The following CGGBP1 variants were observed in gnomAD, a reference collection of about 807,000 sequenced individuals.
CGGBP1 encodes the protein CGG triplet repeat-binding protein 1.
CGGBP1 carries 4 observed loss-of-function variants against 11.4 expected under a neutral mutation model. The ratio of observed to expected loss-of-function variants is 0.35; its 90% CI spans 0.17 to 0.80. CGGBP1 has a LOEUF of 0.80. Ranked by LOEUF, CGGBP1 falls within the 30% of genes least tolerant of loss-of-function variation. The pLI is 0.52. For synonymous variants in CGGBP1, 76 were observed against 74.1 expected, an observed-to-expected ratio of 1.03 and a Z score of -0.13; for missense variants, 135 against 202.1, an observed-to-expected ratio of 0.67 and a Z score of 2.01.
At chr3:88,060,469 A>G (rs1317154615), upstream of CGGBP1, among the ~76,000 whole-genome samples, 2 of 152,128 alleles carry the variant, frequency 1.3e-5, no homozygotes, top group Non-Finnish European at 2.9e-5. Context: ...TTTTTTTGCA[A>G]GCTATTTTGG....
intron 2 of CGGBP1, among the ~76,000 whole-genome samples, chr3:88,085,389 T>C (rs1291359134): frequency 2.0e-5 from 3 of 152,232 alleles, no homozygotes; most frequent in African/African-American, 7.2e-5. Flanking sequence ...GATATTGAAA[T>C]TTGAATTTCA....
intron 2 of CGGBP1, among the ~76,000 whole-genome samples, chr3:88,120,133 T>C (rs774060314): frequency 3.9e-5 from 6 of 152,170 alleles, no homozygotes; most frequent in Non-Finnish European, 7.4e-5. Context: ...ATTTTGAGAC[T>C]GAGAGTCATC....
intron 2 of CGGBP1, chr3:88,138,900 G>A (rs1706961299): frequency 1.6e-6 from 2 of 1,234,326 alleles, no homozygotes; most frequent in Non-Finnish European, 2.0e-6. Flanking sequence ...GTATCGTACT[G>A]TTGAAGAGCT....
At chr3:88,113,067 G>T in intron 2 of CGGBP1, 2 of 1,274,722 alleles carry the variant, frequency 1.6e-6, no homozygotes, top group South Asian at 1.3e-5. Flanking sequence ...CTTTTAATTG[G>T]AGCAAAACTC....
rs1706490729 is a variant in CGGBP1, at chr3:88,054,268, C to A, written c.*1205G>T. 1 of 152,476 alleles carries A rather than the reference C, an allele frequency of 6.6e-6. No individual in the cohort carries two copies. Among genetic ancestry groups the A allele is most frequent in the Non-Finnish European group, 1.5e-5 (1 of 68,012 alleles). The allele number at this position is 152,476 out of a possible 1,614,324, so 9.4% of individuals were successfully genotyped here. The stretch of plus-strand genomic sequence containing the variant: ...AATTTTTAAAAAATATAATTTGGGT[C>A]TCTGATAGAACTTAGCTGGGCTAAG... On this transcript the variant is annotated 3_prime_UTR_variant, in exon 4 of 4. Coordinates refer to ENST00000482016, the MANE Select transcript of CGGBP1 (RefSeq NM_001008390.2).
chr3:88,118,022 G>T (rs1705518880), intron 2 of CGGBP1, among the ~76,000 whole-genome samples: 1 of 150,550 alleles, frequency 6.6e-6, no homozygotes, highest in Non-Finnish European at 1.5e-5. Flanking sequence ...TGTTGTTGTT[G>T]TTTTAATAAT....
chr3:88,059,575 C>T (rs571442149), upstream of CGGBP1: 3 of 1,442,198 alleles, frequency 2.1e-6, no homozygotes, highest in Non-Finnish European at 2.7e-6. Flanking sequence ...CTGGTCTTCT[C>T]GTCCATGAAT....
At chr3:88,149,325 C>T (rs897795851) in intron 1 of CGGBP1, among the ~76,000 whole-genome samples, 9 of 152,114 alleles carry the variant, frequency 5.9e-5, no homozygotes, top group African/African-American at 2.2e-4. Flanking sequence ...CGGAGTAAAA[C>T]CCTGGCAATC....
chr3:88,116,555 T>C (rs954571005), intron 2 of CGGBP1, among the ~76,000 whole-genome samples: 1 of 12,582 alleles, frequency 7.9e-5, no homozygotes, highest in Admixed American at 1.4e-3. Flanking sequence ...CATACATACA[T>C]ATATATACAC....
chr3:88,141,174 C>T (rs774362780), intron 1 of CGGBP1: 1 of 1,096,414 alleles, frequency 9.1e-7, no homozygotes, highest in African/African-American at 1.6e-5. Context: ...AGCATTACTC[C>T]ATACATTATT....
upstream of CGGBP1, among the ~76,000 whole-genome samples, chr3:88,062,052 G>A (rs1706916950): frequency 6.6e-6 from 1 of 152,122 alleles, no homozygotes; most frequent in Admixed American, 6.6e-5. Flanking sequence ...TTACCATAAG[G>A]AAAAGTAAAA....
chr3:88,129,722 T>A, intron 2 of CGGBP1: 2 of 1,519,658 alleles, frequency 1.3e-6, no homozygotes, highest in Non-Finnish European at 1.8e-6. Flanking sequence ...GTGGAATTGA[T>A]ATCATCTGTA....
chr3:88,120,699 A>G (rs1705713959), intron 2 of CGGBP1, among the ~76,000 whole-genome samples: 2 of 152,198 alleles, frequency 1.3e-5, no homozygotes, highest in African/African-American at 4.8e-5. Context: ...CTTTATGCGT[A>G]TATTACTTAC....
At chr3:88,129,444 A>C (rs1706317379) in intron 2 of CGGBP1, among the ~76,000 whole-genome samples, 1 of 151,898 alleles carries the variant, frequency 6.6e-6, no homozygotes, top group African/African-American at 2.4e-5. Context: ...ATCTTTTCCT[A>C]ATATGGATCG....
At chr3:88,130,669 C>A (rs1292489615) in intron 2 of CGGBP1, among the ~76,000 whole-genome samples, 2 of 146,194 alleles carry the variant, frequency 1.4e-5, no homozygotes, top group African/African-American at 2.5e-5. Context: ...TTGCCCAGGC[C>A]GGTTTGGAAC....
At chr3:88,138,881 C>T in intron 2 of CGGBP1, 1 of 1,232,322 alleles carries the variant, frequency 8.1e-7, no homozygotes, top group Non-Finnish European at 1.0e-6. Flanking sequence ...TGGAGCGCTC[C>T]TTAGAAGCGT....
chr3:88,103,940 T>A (rs1704586386), intron 2 of CGGBP1, among the ~76,000 whole-genome samples: 1 of 151,966 alleles, frequency 6.6e-6, no homozygotes, highest in Non-Finnish European at 1.5e-5. Flanking sequence ...CTGATTTTTT[T>A]ATTTTTAGAC....
At chr3:88,067,028 C>G (rs546286934) in intron 2 of CGGBP1, among the ~76,000 whole-genome samples, 2 of 152,104 alleles carry the variant, frequency 1.3e-5, no homozygotes, top group East Asian at 3.9e-4. Flanking sequence ...CATTAACACT[C>G]TCTACTGTCA....
chr3:88,135,362 A>G, intron 2 of CGGBP1: 1 of 454,308 alleles, frequency 2.2e-6, no homozygotes, highest in Non-Finnish European at 3.6e-6. Flanking sequence ...CCTAACTCCA[A>G]ACTCTCAACA....
Sources: gnomAD v4.1 joint callset for allele counts (sites outside exome capture counted in the v4.1 genomes callset) on GRCh38, gnomAD v4.1.1 for gene constraint, MANE v1.5 for transcripts, NCBI Gene and HGNC (gene_info 2026-07-23, HGNC 2026-07-21) for gene names.